Variants in SEMA4D observed in about 807,000 individuals in gnomAD.
SEMA4D encodes the protein semaphorin-4D.
In SEMA4D, 22 loss-of-function variants were observed where a neutral mutation model predicts 74.8. The observed-to-expected ratio is 0.29, with a 90% confidence interval of 0.21 to 0.42. The LOEUF is 0.42. Among genes scored for constraint, SEMA4D ranks in the 10% least tolerant of loss-of-function variants. SEMA4D has a pLI of 1.00. For missense variants in SEMA4D, 937 were observed against 1,118.4 expected (o/e 0.84, Z 2.31); for synonymous variants, 445 against 463.7 (o/e 0.96, Z 0.52).
intron 1 of SEMA4D, among the ~76,000 whole-genome samples, chr9:89,481,113 G>C (rs1355138854): frequency 1.3e-5 from 2 of 152,268 alleles, no homozygotes; most frequent in Non-Finnish European, 2.9e-5. Flanking sequence ...GCTCTCCGAG[G>C]GGTAGATGGC....
chr9:89,400,102 G>A (rs953584100), intron 4 of SEMA4D, among the ~76,000 whole-genome samples: 3 of 149,082 alleles, frequency 2.0e-5, no homozygotes, highest in East Asian at 2.0e-4. Flanking sequence ...GGAGATTTAC[G>A]ATTCCTTAAA....
rs963617748 is a variant in SEMA4D, at chr9:89,475,772, G to T, written c.-309-19819C>A. 5.9e-5 allele frequency among the ~76,000 whole-genome samples: 9 copies of T among 152,320 alleles called. No individual in the cohort carries two copies. The East Asian group carries it at 1.7e-3, about 29-fold the overall frequency. On this transcript the variant is annotated intron_variant, in intron 1 of 15. Transcript: ENST00000422704. ...CACGCCAGGCACACGGGAGGCCAAT[G>T]TCAGCAGGCTCACAGAGAGCGGGAA...
chr9:89,450,538 C>T lies in SEMA4D; in HGVS notation c.-244+5350G>A. On this transcript the variant is annotated intron_variant, in intron 2 of 15. Coordinates refer to ENST00000422704, the MANE Select transcript of SEMA4D (RefSeq NM_001371194.2). ...TTTAAATTTACAGTTCTGCTCCTGC[C>T]CAATGGCCCCATGCAGATAACCAGT... 5 of 1,119,226 alleles carry T rather than the reference C, an allele frequency of 4.5e-6. No homozygotes were observed. The Admixed American group carries it at 6.8e-5, about 15-fold the overall frequency. 69.3% of individuals were successfully genotyped at this position (1,119,226 alleles called of 1,614,324 possible). A position where few individuals can be genotyped will look rare whatever the true frequency, so the allele number is the denominator to read the frequency against.
At chr9:89,376,971 A>G (rs751026081), downstream of SEMA4D, 453 of 1,550,286 alleles carry the variant, frequency 2.9e-4, 2 homozygotes, top group South Asian at 1.3e-4. Context: ...GTCCAGGGAG[A>G]GGAAAGCCTC....
At chr9:89,424,736 C>T (rs1411870357) in intron 2 of SEMA4D, among the ~76,000 whole-genome samples, 1 of 152,044 alleles carries the variant, frequency 6.6e-6, no homozygotes, top group East Asian at 1.9e-4. Flanking sequence ...GTTCATACCA[C>T]CATCCCTCCT....
chr9:89,415,277 C>G (rs1845476706), intron 2 of SEMA4D, among the ~76,000 whole-genome samples: 1 of 152,174 alleles, frequency 6.6e-6, no homozygotes, highest in Admixed American at 6.5e-5. Flanking sequence ...GACCTGCTGC[C>G]ATCTCTAAGG....
downstream of SEMA4D, among the ~76,000 whole-genome samples, chr9:89,374,366 G>A (rs1378688234): frequency 6.6e-6 from 1 of 152,236 alleles, no homozygotes; most frequent in Non-Finnish European, 1.5e-5. Context: ...GTCATTGACA[G>A]GAGACAGGAA....
chr9:89,379,730 T>C (rs1836579747), intron 15 of SEMA4D, 101 bp from the exon 16 acceptor site: 2 of 1,321,298 alleles, frequency 1.5e-6, no homozygotes, highest in South Asian at 2.8e-5. Flanking sequence ...TTTCACCCAC[T>C]GTAGCAACAT....
intron 2 of SEMA4D, among the ~76,000 whole-genome samples, chr9:89,452,182 G>GTT (rs748453753): frequency 0.093 from 12,562 of 135,280 alleles, 949 homozygotes; most frequent in East Asian, 0.3. Flanking sequence ...GGTTTTTTTT[G>GTT]TTTTTTTTTT....
chr9:89,455,373 C>G (rs1439911422), intron 2 of SEMA4D, among the ~76,000 whole-genome samples: 4 of 152,260 alleles, frequency 2.6e-5, no homozygotes. Flanking sequence ...CCTCCCTGAA[C>G]ACGGGGCATG....
At position 89,477,309 on chromosome 9, in the gene SEMA4D, C is replaced by G. The variant is rs139718754; in HGVS notation, c.-310+20610G>C. Among the ~76,000 whole-genome samples the G allele has an allele frequency of 2.5e-4, 38 of 151,880 alleles. 1 individual carries two copies. The highest frequency in any genetic ancestry group is 1.9e-3 in the Admixed American group (29 of 15,264). On this transcript the variant is annotated intron_variant, in intron 1 of 15. Coordinates refer to ENST00000422704, the MANE Select transcript of SEMA4D (RefSeq NM_001371194.2). ...ACATTCACATACACACATGCATGCA[C>G]CCCCCCACACACACACAAACACACA...
intron 1 of SEMA4D, among the ~76,000 whole-genome samples, chr9:89,480,837 G>A (rs542390080): frequency 3.3e-5 from 5 of 152,334 alleles, no homozygotes; most frequent in South Asian, 4.1e-4. Flanking sequence ...AGTGGGCTCC[G>A]GCCTTGGCCA....
At position 89,379,034 on chromosome 9, in the gene SEMA4D, G is replaced by A; in HGVS notation, c.2259C>T (p.Tyr753=). The A allele has an allele frequency of 6.2e-7, 1 of 1,611,878 alleles. No homozygotes were observed. Among genetic ancestry groups the A allele is most frequent in the African/African-American group, 1.3e-5 (1 of 75,014 alleles). Residue 753 remains tyrosine, a synonymous_variant, in exon 16 of 16, where the codon TAC becomes TAT. Coordinates refer to ENST00000422704, the MANE Select transcript of SEMA4D (RefSeq NM_001371194.2). ...FFVLFLCLFF[Y]NCYKGYLPRQ... ...TGGGCAGGTATCCCTTATAGCAGTTGTAGAAAAAGAGGCAGAGGAAGAGAA... is the reference window on the plus strand; with the variant it reads ...TGGGCAGGTATCCCTTATAGCAGTTATAGAAAAAGAGGCAGAGGAAGAGAA...
downstream of SEMA4D, among the ~76,000 whole-genome samples, chr9:89,374,334 T>C (rs1835504203): frequency 6.6e-6 from 1 of 152,212 alleles, no homozygotes; most frequent in Non-Finnish European, 1.5e-5. Context: ...CCGCCAGCTT[T>C]CTGTTAGGTC....
chr9:89,413,581 G>A (rs1845004799), intron 2 of SEMA4D, among the ~76,000 whole-genome samples: 1 of 152,246 alleles, frequency 6.6e-6, no homozygotes, highest in African/African-American at 2.4e-5. Context: ...CAGGTGTGTT[G>A]TGTACATGTG....
intron 1 of SEMA4D, among the ~76,000 whole-genome samples, chr9:89,469,187 A>C (rs1859528386): frequency 6.6e-6 from 1 of 152,244 alleles, no homozygotes; most frequent in African/African-American, 2.4e-5. Context: ...CTTAGAGGAA[A>C]TGATCAAATT....
intron 1 of SEMA4D, among the ~76,000 whole-genome samples, chr9:89,456,860 T>A (rs1422521080): frequency 1.3e-5 from 2 of 152,212 alleles, no homozygotes; most frequent in African/African-American, 2.4e-5. Flanking sequence ...GTGCTGGGAT[T>A]ACAGGCATGA....
chr9:89,491,855 T>C (rs143268145), intron 1 of SEMA4D, among the ~76,000 whole-genome samples: 2,346 of 152,154 alleles, frequency 0.015, 124 homozygotes, highest in Admixed American at 0.1. Context: ...GACAGCCCCA[T>C]GCATCTGTGG....
Position 89,396,852 on chromosome 9 carries a change from T to G in SEMA4D, c.316-17A>C. 6.2e-7 allele frequency: 1 copy of G among 1,607,534 alleles called. No homozygotes were observed. Among genetic ancestry groups the G allele is most frequent in the African/African-American group, 1.3e-5 (1 of 74,848 alleles). On this transcript the variant is annotated splice_polypyrimidine_tract_variant and intron_variant, in intron 5 of 15. Transcript: ENST00000422704. Reference sequence around the variant, plus strand: ...GCACTCTGTCTGCAGGGAAGAGAAATGCACCATTAGCAACCGTCCAGCCCA... The same window carrying G: ...GCACTCTGTCTGCAGGGAAGAGAAAGGCACCATTAGCAACCGTCCAGCCCA...
Sources: allele counts gnomAD v4.1 joint callset (sites outside exome capture counted in the v4.1 genomes callset), GRCh38; gene constraint gnomAD v4.1.1; transcripts MANE v1.5; gene names NCBI Gene and HGNC (gene_info 2026-07-23, HGNC 2026-07-21).